The following ZBTB20 variants were observed in gnomAD, a reference collection of about 807,000 sequenced individuals.
ZBTB20 encodes the protein zinc finger and BTB domain containing 20, also known as zinc finger and BTB domain-containing protein 20.
ZBTB20 carries 9 observed loss-of-function variants against 56.9 expected under a neutral mutation model. The ratio of observed to expected loss-of-function variants is 0.16; its 90% CI spans 0.10 to 0.28. ZBTB20 has a LOEUF of 0.28. Among genes scored for constraint, ZBTB20 ranks in the 10% least tolerant of loss-of-function variants. The pLI is 1.00. For synonymous variants in ZBTB20, 417 were observed against 420.7 expected, an observed-to-expected ratio of 0.99 and a Z score of 0.11; for missense variants, 655 against 1,003.0, an observed-to-expected ratio of 0.65 and a Z score of 4.69.
chr3:115,083,362 G>C (rs568155894), intron 1 of ZBTB20, among the ~76,000 whole-genome samples: 1 of 151,932 alleles, frequency 6.6e-6, no homozygotes, highest in East Asian at 1.9e-4. Flanking sequence ...TATCTATATA[G>C]TCTTTCTGCC....
intron 5 of ZBTB20, among the ~76,000 whole-genome samples, chr3:114,757,288 C>T (rs1560214514): frequency 6.6e-6 from 1 of 152,164 alleles, no homozygotes; most frequent in African/African-American, 2.4e-5. Context: ...TGTCACTCAA[C>T]TATACTTTGC....
At chr3:114,819,117 T>A (rs938886849) in intron 4 of ZBTB20, among the ~76,000 whole-genome samples, 1 of 151,830 alleles carries the variant, frequency 6.6e-6, no homozygotes, top group African/African-American at 2.4e-5. Context: ...GAATTATAAA[T>A]GAAATATAGG....
chr3:114,511,179 A>G (rs1372370106), intron 6 of ZBTB20, among the ~76,000 whole-genome samples: 5 of 152,072 alleles, frequency 3.3e-5, no homozygotes, highest in Admixed American at 2.6e-4. Context: ...GAAAAGAAAT[A>G]TAATTATCTT....
intron 4 of ZBTB20, among the ~76,000 whole-genome samples, chr3:114,853,902 T>C (rs573332395): frequency 2.0e-5 from 3 of 152,314 alleles, no homozygotes; most frequent in Admixed American, 1.3e-4. Context: ...TTTTCTATAA[T>C]AGAAGAGTAA....
chr3:114,851,335 A>G (rs962719002), intron 4 of ZBTB20, among the ~76,000 whole-genome samples: 2 of 152,200 alleles, frequency 1.3e-5, no homozygotes, highest in African/African-American at 4.8e-5. Flanking sequence ...ACACATACAC[A>G]CAATTTATTT....
chr3:114,994,485 C>T lies in ZBTB20; in HGVS notation c.-506-20069G>A, dbSNP rs532503555. Among the ~76,000 whole-genome samples, 12 of 152,022 alleles carry T rather than the reference C, an allele frequency of 7.9e-5. No homozygotes were observed. The South Asian group carries it at 2.5e-3, about 32-fold the overall frequency. ...GTCTTAGTAATATTTTCACAACAAA[C>T]TTAGCTTAAAAGTATGTAACAGATC... is the stretch of plus-strand genomic sequence containing the variant. On this transcript the variant is annotated intron_variant, in intron 2 of 11. Transcript: ENST00000675478.
At chr3:115,052,629 G>A (rs1433689119) in intron 2 of ZBTB20, among the ~76,000 whole-genome samples, 1 of 152,150 alleles carries the variant, frequency 6.6e-6, no homozygotes, top group Non-Finnish European at 1.5e-5. Flanking sequence ...AGCTTGTCAA[G>A]TTTTCATTCC....
intron 4 of ZBTB20, among the ~76,000 whole-genome samples, chr3:114,861,088 C>G (rs2107488377): frequency 6.6e-6 from 1 of 152,284 alleles, no homozygotes; most frequent in South Asian, 2.1e-4. Context: ...CCTTTTGTTA[C>G]CCATGACTGG....
At chr3:114,936,413 G>C (rs1341309354) in intron 3 of ZBTB20, among the ~76,000 whole-genome samples, 1 of 152,146 alleles carries the variant, frequency 6.6e-6, no homozygotes, top group Non-Finnish European at 1.5e-5. Context: ...CAGGGTTTTA[G>C]TTTAGCCTGA....
At chr3:114,805,953 T>C (rs2072073486) in intron 4 of ZBTB20, among the ~76,000 whole-genome samples, 1 of 151,916 alleles carries the variant, frequency 6.6e-6, no homozygotes, top group Non-Finnish European at 1.5e-5. Context: ...ATGAATACTA[T>C]TCCACTGCAT....
At chr3:114,564,308 A>T (rs1247058204) in intron 6 of ZBTB20, among the ~76,000 whole-genome samples, 1 of 152,072 alleles carries the variant, frequency 6.6e-6, no homozygotes, top group African/African-American at 2.4e-5. Context: ...CTAAGGCAAC[A>T]TACTCACAGG....
At position 115,081,781 on chromosome 3, in the gene ZBTB20, A is replaced by C. The variant is rs565849132; in HGVS notation, c.-702-10367T>G. ...ACCATAAAATATATCAAGCTTCTAAAATTTGTAAAGATTATATTTATGAAT... is the reference window on the plus strand; with the variant it reads ...ACCATAAAATATATCAAGCTTCTAACATTTGTAAAGATTATATTTATGAAT... On this transcript the variant is annotated intron_variant, in intron 1 of 11. Coordinates refer to ENST00000675478, the MANE Select transcript of ZBTB20 (RefSeq NM_001348800.3). 6.9e-4 allele frequency among the ~76,000 whole-genome samples: 105 copies of C among 152,210 alleles called. 1 individual carries two copies. The highest frequency in any genetic ancestry group is 7.2e-4 in the Admixed American group (11 of 15,268).
chr3:114,585,479 CAT>C (rs904776706), intron 6 of ZBTB20, among the ~76,000 whole-genome samples: 33 of 152,268 alleles, frequency 2.2e-4, no homozygotes, highest in African/African-American at 6.5e-4. Flanking sequence ...CGTATGTGCA[CAT>C]GTGTGTGGGG....
intron 6 of ZBTB20, among the ~76,000 whole-genome samples, chr3:114,613,971 A>G (rs544203675): frequency 6.6e-6 from 1 of 152,180 alleles, no homozygotes; most frequent in East Asian, 1.9e-4. Flanking sequence ...TATAATAAAA[A>G]CAAATTTATG....
At chr3:114,662,700 C>A (rs1401563692) in intron 6 of ZBTB20, among the ~76,000 whole-genome samples, 1 of 146,842 alleles carries the variant, frequency 6.8e-6, no homozygotes, top group African/African-American at 2.5e-5. Flanking sequence ...GCATAAATGT[C>A]TTCTTTTGAG....
At chr3:114,751,781 T>G (rs2067577034) in intron 5 of ZBTB20, among the ~76,000 whole-genome samples, 1 of 152,142 alleles carries the variant, frequency 6.6e-6, no homozygotes. Context: ...GAAACAGAAA[T>G]TTAGTCCACA....
intron 6 of ZBTB20, among the ~76,000 whole-genome samples, chr3:114,602,812 T>C (rs916628634): frequency 2.0e-5 from 3 of 152,044 alleles, no homozygotes; most frequent in Non-Finnish European, 2.9e-5. Flanking sequence ...ATCAGCTAAT[T>C]ATGTCACGGA....
At chr3:114,545,925 A>G (rs1417235051) in intron 6 of ZBTB20, among the ~76,000 whole-genome samples, 1 of 152,174 alleles carries the variant, frequency 6.6e-6, no homozygotes, top group African/African-American at 2.4e-5. Flanking sequence ...ATCAGATTTT[A>G]TTAGGTGGGC....
chr3:114,481,598 C>T (rs181699561), intron 7 of ZBTB20, among the ~76,000 whole-genome samples: 3 of 152,294 alleles, frequency 2.0e-5, no homozygotes, highest in Admixed American at 6.5e-5. Context: ...AGTATTGGAA[C>T]GACTCTATGC....
Sources: allele counts gnomAD v4.1 joint callset (sites outside exome capture counted in the v4.1 genomes callset), GRCh38; gene constraint gnomAD v4.1.1; transcripts MANE v1.5; gene names NCBI Gene and HGNC (gene_info 2026-07-23, HGNC 2026-07-21).